Variants in GRM5 observed in about 807,000 individuals in gnomAD.
The protein encoded by GRM5 is metabotropic glutamate receptor 5.
A neutral mutation model predicts 83.1 loss-of-function variants in GRM5; 19 were observed. That is an observed-to-expected ratio of 0.23 (90% CI 0.16 to 0.34). The LOEUF is 0.34. GRM5 is among the 10% of genes least tolerant of loss of function. The pLI is 1.00. For synonymous variants in GRM5, 675 were observed against 633.6 expected, an observed-to-expected ratio of 1.07 and a Z score of -0.98; for missense variants, 1,160 against 1,588.3, an observed-to-expected ratio of 0.73 and a Z score of 4.58.
chr11:88,725,408 T>C (rs1014115410), intron 3 of GRM5, among the ~76,000 whole-genome samples: 1 of 152,152 alleles, frequency 6.6e-6, no homozygotes, highest in African/African-American at 2.4e-5. Flanking sequence ...GATCAAACTC[T>C]CATCTCCTTG....
At chr11:88,579,060 A>T (rs1943173191) in intron 7 of GRM5, among the ~76,000 whole-genome samples, 1 of 152,132 alleles carries the variant, frequency 6.6e-6, no homozygotes, top group Non-Finnish European at 1.5e-5. Flanking sequence ...CAATTTTCAA[A>T]CTCAATTTTC....
chr11:88,620,500 C>T (rs958055040), intron 4 of GRM5, among the ~76,000 whole-genome samples: 12 of 152,124 alleles, frequency 7.9e-5, no homozygotes, highest in Non-Finnish European at 1.5e-5. Context: ...GTGGAATAGA[C>T]TTACTGTATG....
chr11:88,722,332 T>G (rs1941563564), intron 3 of GRM5, among the ~76,000 whole-genome samples: 1 of 152,184 alleles, frequency 6.6e-6, no homozygotes, highest in African/African-American at 2.4e-5. Flanking sequence ...CAACCATTTG[T>G]AGCTTCTCAG....
At chr11:88,527,719 A>G (rs1474174206) in intron 8 of GRM5, among the ~76,000 whole-genome samples, 1 of 152,210 alleles carries the variant, frequency 6.6e-6, no homozygotes, top group African/African-American at 2.4e-5. Flanking sequence ...AAATGGATAA[A>G]GAAAATGTGG....
At chr11:88,831,317 G>A (rs1943989659) in intron 3 of GRM5, among the ~76,000 whole-genome samples, 1 of 152,206 alleles carries the variant, frequency 6.6e-6, no homozygotes, top group Non-Finnish European at 1.5e-5. Flanking sequence ...ATTTAAAAGT[G>A]CCATGAAGAA....
intron 7 of GRM5, among the ~76,000 whole-genome samples, chr11:88,580,995 C>T (rs916817929): frequency 1.3e-4 from 20 of 152,162 alleles, no homozygotes; most frequent in Admixed American, 2.6e-4. Flanking sequence ...GTAGTCACAG[C>T]TACTCAGGAG....
intron 5 of GRM5, among the ~76,000 whole-genome samples, chr11:88,603,279 G>A (rs981741197): frequency 7.2e-5 from 11 of 152,202 alleles, no homozygotes; most frequent in African/African-American, 2.4e-4. Flanking sequence ...CCTGGTTTGC[G>A]GAATGGTTTG....
chr11:88,752,741 A>C (rs1408463275), intron 3 of GRM5, among the ~76,000 whole-genome samples: 1 of 152,232 alleles, frequency 6.6e-6, no homozygotes, highest in African/African-American at 2.4e-5. Context: ...GCAGCATACT[A>C]CTGGTCCAAG....
At chr11:88,992,481 T>C (rs1295032913) in intron 2 of GRM5, among the ~76,000 whole-genome samples, 2 of 152,160 alleles carry the variant, frequency 1.3e-5, no homozygotes, top group African/African-American at 2.4e-5. Flanking sequence ...GATCTAGAAC[T>C]AGAAATTCCA....
At chr11:88,595,726 C>G (rs548700536) in intron 6 of GRM5, among the ~76,000 whole-genome samples, 1 of 152,220 alleles carries the variant, frequency 6.6e-6, no homozygotes, top group East Asian at 1.9e-4. Context: ...TCATGCCTTT[C>G]CCTCATTGTT....
intron 2 of GRM5, among the ~76,000 whole-genome samples, chr11:88,875,016 G>A (rs1944827106): frequency 6.6e-6 from 1 of 151,218 alleles, no homozygotes; most frequent in South Asian, 2.1e-4. Flanking sequence ...GGCGGTGGCT[G>A]CTGAATGTTT....
chr11:89,064,457 G>A (rs1192090436), intron 1 of GRM5, among the ~76,000 whole-genome samples: 6 of 152,146 alleles, frequency 3.9e-5, no homozygotes, highest in Admixed American at 3.9e-4. Flanking sequence ...CTCTCAGCAT[G>A]CATTATCCCA....
intron 4 of GRM5, among the ~76,000 whole-genome samples, chr11:88,651,401 G>C (rs1206853418): frequency 6.6e-6 from 1 of 151,988 alleles, no homozygotes; most frequent in Non-Finnish European, 1.5e-5. Flanking sequence ...GATGAAATCA[G>C]AGCTACTGCT....
chr11:88,527,457 T>G (rs11826393), intron 8 of GRM5, among the ~76,000 whole-genome samples: 20,581 of 152,108 alleles, frequency 0.14, 1,539 homozygotes, highest in Non-Finnish European at 0.16. Flanking sequence ...CTCTAACCTC[T>G]GTGAAGAAAA....
chr11:88,885,066 A>T (rs1207709534), intron 2 of GRM5, among the ~76,000 whole-genome samples: 1 of 152,088 alleles, frequency 6.6e-6, no homozygotes, highest in Non-Finnish European at 1.5e-5. Context: ...GCCATTTTTT[A>T]AAATAATATT....
At chr11:88,916,800 G>A (rs539096291) in intron 2 of GRM5, among the ~76,000 whole-genome samples, 1 of 152,034 alleles carries the variant, frequency 6.6e-6, no homozygotes, top group East Asian at 1.9e-4. Context: ...TGCAACTTCG[G>A]TAACAGCTCA....
intron 7 of GRM5, among the ~76,000 whole-genome samples, chr11:88,569,082 C>CTA (rs746477376): frequency 4.6e-5 from 7 of 152,130 alleles, no homozygotes; most frequent in Non-Finnish European, 7.4e-5. Context: ...ATCACCAAGA[C>CTA]TATATATATA....
chr11:88,937,784 G>A (rs1038121383), intron 2 of GRM5, among the ~76,000 whole-genome samples: 1 of 151,626 alleles, frequency 6.6e-6, no homozygotes, highest in Non-Finnish European at 1.5e-5. Flanking sequence ...ATTAGAAGAG[G>A]TGTTTGTTAT....
At chr11:88,923,485 G>A (rs1945728732) in intron 2 of GRM5, among the ~76,000 whole-genome samples, 1 of 152,050 alleles carries the variant, frequency 6.6e-6, no homozygotes, top group Admixed American at 6.6e-5. Context: ...ATTTGCAGGG[G>A]CAAAAAATTG....
Sources: allele counts gnomAD v4.1 joint callset (sites outside exome capture counted in the v4.1 genomes callset), GRCh38; gene constraint gnomAD v4.1.1; transcripts MANE v1.5; gene names NCBI Gene and HGNC (gene_info 2026-07-23, HGNC 2026-07-21).